Variants in ZFHX3 observed in about 807,000 individuals in gnomAD.
The protein encoded by ZFHX3 is zinc finger homeobox protein 3.
ZFHX3 carries 42 observed loss-of-function variants against 279.1 expected under a neutral mutation model. That is an observed-to-expected ratio of 0.15 (90% CI 0.12 to 0.19). The LOEUF (loss-of-function observed/expected upper bound fraction) is 0.19. Among genes scored for constraint, ZFHX3 ranks in the 10% least tolerant of loss-of-function variants. ZFHX3 has a pLI of 1.00. For missense variants in ZFHX3, 4,981 were observed against 4,754.0 expected (o/e 1.05, Z -1.40); for synonymous variants, 2,293 against 1,957.8 (o/e 1.17, Z -4.52).
intron 5 of ZFHX3, among the ~76,000 whole-genome samples, chr16:73,233,687 A>G (rs1285083817): frequency 1.3e-5 from 2 of 152,132 alleles, no homozygotes; most frequent in Admixed American, 6.5e-5. Flanking sequence ...ACACATGACA[A>G]AGTGGGGACC....
intron 6 of ZFHX3, among the ~76,000 whole-genome samples, chr16:73,143,518 A>G (rs1966852953): frequency 6.6e-6 from 1 of 152,204 alleles, no homozygotes; most frequent in South Asian, 2.1e-4. Context: ...TCTTGCAGCA[A>G]ACCCACTTTT....
At chr16:73,629,064 G>A (rs117309095) in intron 2 of ZFHX3, among the ~76,000 whole-genome samples, 4 of 152,304 alleles carry the variant, frequency 2.6e-5, no homozygotes, top group East Asian at 3.9e-4. Context: ...CGGTGTGCCC[G>A]TGACAAAGTT....
intron 1 of ZFHX3, among the ~76,000 whole-genome samples, chr16:73,803,208 C>CA (rs1960187102): frequency 6.6e-6 from 1 of 152,124 alleles, no homozygotes; most frequent in African/African-American, 2.4e-5. Context: ...ACAGGAAATG[C>CA]AAATAGTCAA....
chr16:73,514,971 A>G (rs1250568479), intron 2 of ZFHX3, among the ~76,000 whole-genome samples: 1 of 152,174 alleles, frequency 6.6e-6, no homozygotes, highest in African/African-American at 2.4e-5. Context: ...TTTTTACAAT[A>G]TTGATATTTC....
At chr16:73,356,304 C>T (rs1041624085) in intron 3 of ZFHX3, among the ~76,000 whole-genome samples, 6 of 150,700 alleles carry the variant, frequency 4.0e-5, no homozygotes, top group South Asian at 2.1e-4. Context: ...CACTTTGTAA[C>T]ACCCTCATTT....
intron 7 of ZFHX3, among the ~76,000 whole-genome samples, chr16:72,806,749 G>A (rs888784160): frequency 6.6e-6 from 1 of 152,088 alleles, no homozygotes; most frequent in African/African-American, 2.4e-5. Flanking sequence ...AAGAGATACC[G>A]AGAAAAGTGC....
At chr16:73,593,866 C>G (rs922833207) in intron 2 of ZFHX3, among the ~76,000 whole-genome samples, 1 of 152,160 alleles carries the variant, frequency 6.6e-6, no homozygotes, top group Non-Finnish European at 1.5e-5. Context: ...AACATAAAAA[C>G]TTTTAGCAAA....
chr16:73,816,262 T>C (rs533620559), intron 1 of ZFHX3, among the ~76,000 whole-genome samples: 1 of 152,296 alleles, frequency 6.6e-6, no homozygotes, highest in African/African-American at 2.4e-5. Flanking sequence ...TGAAGATGAC[T>C]GAGTCATGAA....
chr16:73,107,822 C>G (rs138402328), intron 7 of ZFHX3, among the ~76,000 whole-genome samples: 1 of 152,030 alleles, frequency 6.6e-6, no homozygotes, highest in East Asian at 1.9e-4. Flanking sequence ...TGAGGGCAGC[C>G]TGAGCAACAT....
intron 4 of ZFHX3, among the ~76,000 whole-genome samples, chr16:73,279,247 C>A (rs1487785639): frequency 6.6e-6 from 1 of 152,018 alleles, no homozygotes; most frequent in Non-Finnish European, 1.5e-5. Flanking sequence ...AAAACTGAGT[C>A]CCAGATAGCA....
At chr16:73,539,918 G>C (rs2019981533) in intron 2 of ZFHX3, among the ~76,000 whole-genome samples, 1 of 152,162 alleles carries the variant, frequency 6.6e-6, no homozygotes, top group Non-Finnish European at 1.5e-5. Context: ...CAGACAAACT[G>C]TTTTTCTCCC....
chr16:73,722,151 T>C (rs1645718975), intron 1 of ZFHX3, among the ~76,000 whole-genome samples: 1 of 152,228 alleles, frequency 6.6e-6, no homozygotes, highest in Non-Finnish European at 1.5e-5. Context: ...ACTGGGCCTA[T>C]AGCTGTTAAC....
chr16:73,494,863 C>T (rs1387670436), intron 2 of ZFHX3, among the ~76,000 whole-genome samples: 1 of 152,074 alleles, frequency 6.6e-6, no homozygotes, highest in Admixed American at 6.5e-5. Flanking sequence ...CCTCTGCGCC[C>T]GGCAAAACTA....
chr16:73,291,786 TC>T (rs2143101112), intron 4 of ZFHX3, among the ~76,000 whole-genome samples: 1 of 152,326 alleles, frequency 6.6e-6, no homozygotes. Context: ...ATGCTTTTGA[TC>T]ATTCTACATG....
intron 7 of ZFHX3, among the ~76,000 whole-genome samples, chr16:73,110,308 A>G (rs1445748905): frequency 6.6e-6 from 1 of 152,166 alleles, no homozygotes; most frequent in Non-Finnish European, 1.5e-5. Context: ...ACATTCAAAC[A>G]GGTTGTGTCT....
At chr16:73,102,895 T>C (rs62052382) in intron 7 of ZFHX3, among the ~76,000 whole-genome samples, 4,329 of 152,252 alleles carry the variant, frequency 0.028, 119 homozygotes, top group South Asian at 0.14. Context: ...ATGGTAGCCA[T>C]TGGGTACTGG....
At chr16:73,852,081 A>T (rs1014984293) in intron 1 of ZFHX3, among the ~76,000 whole-genome samples, 1 of 152,258 alleles carries the variant, frequency 6.6e-6, no homozygotes, top group East Asian at 1.9e-4. Context: ...CTGAGACTAT[A>T]ACCTAAATAC....
chr16:72,837,175 C>T (rs1345509274), intron 4 of ZFHX3, among the ~76,000 whole-genome samples: 1 of 152,208 alleles, frequency 6.6e-6, no homozygotes, highest in Non-Finnish European at 1.5e-5. Flanking sequence ...TTGCCTTCAT[C>T]CTTTTCCATT....
At chr16:72,909,445 G>A (rs564259024) in intron 3 of ZFHX3, among the ~76,000 whole-genome samples, 47 of 152,172 alleles carry the variant, frequency 3.1e-4, no homozygotes, top group African/African-American at 1.1e-3. Flanking sequence ...CTAAAACCCC[G>A]TAACAAATTT....
Sources: allele counts gnomAD v4.1 joint callset (sites outside exome capture counted in the v4.1 genomes callset), GRCh38; gene constraint gnomAD v4.1.1; transcripts MANE v1.5; gene names NCBI Gene and HGNC (gene_info 2026-07-23, HGNC 2026-07-21).